The following AGTPBP1 variants were observed in gnomAD, a reference collection of about 807,000 sequenced individuals.
AGTPBP1 encodes the protein cytosolic carboxypeptidase 1.
Under a neutral mutation model 143.9 loss-of-function variants are expected in AGTPBP1, and 70 were observed. That is an observed-to-expected ratio of 0.49 (90% CI 0.40 to 0.59). The LOEUF is 0.59. Among genes scored for constraint, AGTPBP1 ranks in the 20% least tolerant of loss-of-function variants. The pLI, the probability that AGTPBP1 is intolerant of heterozygous loss-of-function variation, is 0.00. For missense variants in AGTPBP1, 1,229 were observed against 1,464.5 expected, an observed-to-expected ratio of 0.84 and a Z score of 2.62; for synonymous variants, 463 against 500.2, an observed-to-expected ratio of 0.93 and a Z score of 0.99.
At chr9:85,576,141 T>C (rs1827885534) in intron 24 of AGTPBP1, among the ~76,000 whole-genome samples, 1 of 152,144 alleles carries the variant, frequency 6.6e-6, no homozygotes, top group African/African-American at 2.4e-5. Context: ...TAATATAAGG[T>C]TTACCAAAAG....
the AGTPBP1 span, among the ~76,000 whole-genome samples, chr9:85,797,744 GT>G: frequency 1.3e-5 from 2 of 152,210 alleles, no homozygotes; most frequent in South Asian, 4.1e-4. Flanking sequence ...AAAAAAGTAT[GT>G]TTTAAGAAAG....
At chr9:85,742,220 C>G (rs534310667), upstream of AGTPBP1, among the ~76,000 whole-genome samples, 109 of 152,192 alleles carry the variant, frequency 7.2e-4, no homozygotes, top group African/African-American at 2.5e-3. Context: ...CGCGCGCTGC[C>G]GGTCCCTTGT....
the AGTPBP1 span, among the ~76,000 whole-genome samples, chr9:85,771,308 TTTA>T: frequency 6.6e-6 from 1 of 152,084 alleles, no homozygotes; most frequent in Admixed American, 6.6e-5. Context: ...AGATCCTATC[TTTA>T]CAAAAAATAC....
At chr9:85,627,258 GCACA>G (rs138235711) in intron 14 of AGTPBP1, among the ~76,000 whole-genome samples, 2 of 151,378 alleles carry the variant, frequency 1.3e-5, no homozygotes, top group Admixed American at 6.6e-5. Context: ...TTATGTGCGC[GCACA>G]CACACACACA....
the AGTPBP1 span, among the ~76,000 whole-genome samples, chr9:85,779,224 G>GATATAGATATCTATATAA: frequency 2.1e-5 from 2 of 93,512 alleles, no homozygotes; most frequent in Non-Finnish European, 4.4e-5. Context: ...TATAGATATA[G>GATATAGATATCTATATAA]ATATAGATAT....
intron 12 of AGTPBP1, among the ~76,000 whole-genome samples, chr9:85,645,834 T>C (rs1477984124): frequency 1.3e-5 from 2 of 152,172 alleles, no homozygotes; most frequent in African/African-American, 4.8e-5. Flanking sequence ...TCTTATGTAA[T>C]ATGACAATAA....
rs78637814 is a variant in AGTPBP1 at position 85,601,977 on chromosome 9, T to C, written c.2336-5528A>G. Among the ~76,000 whole-genome samples, 815 of 152,196 alleles carry C rather than the reference T, an allele frequency of 5.4e-3. 15 individuals are homozygous for C. Among genetic ancestry groups the C allele is most frequent in the African/African-American group, 0.019 (777 of 41,510 alleles). On this transcript the variant is annotated intron_variant, in intron 17 of 25. Coordinates refer to ENST00000357081, the MANE Select transcript of AGTPBP1 (RefSeq NM_001330701.2). Reference sequence around the variant, plus strand: ...ACAGTGCCCTATCCAGCCAGTATCATAGACTTGCCTTCAGAAAAAAGTCCT... The same window carrying C: ...ACAGTGCCCTATCCAGCCAGTATCACAGACTTGCCTTCAGAAAAAAGTCCT...
At chr9:85,654,843 A>C (rs1833396624) in intron 11 of AGTPBP1, among the ~76,000 whole-genome samples, 1 of 148,912 alleles carries the variant, frequency 6.7e-6, no homozygotes, top group South Asian at 2.1e-4. Context: ...ACTCTGTCTC[A>C]AAAAAAAAAA....
the AGTPBP1 span, among the ~76,000 whole-genome samples, chr9:85,758,210 T>A: frequency 6.6e-6 from 1 of 151,992 alleles, no homozygotes; most frequent in Non-Finnish European, 1.5e-5. Context: ...AAGGAAAAAA[T>A]AAACTCAGAG....
Position 85,682,172 on chromosome 9 carries a change from TAAAA to T in AGTPBP1, c.158-841_158-838del, listed in dbSNP as rs745339958. 2.0e-4 allele frequency among the ~76,000 whole-genome samples: 17 copies of T among 85,822 alleles called. 1 individual carries two copies. Among genetic ancestry groups the T allele is most frequent in the South Asian group, 4.4e-4 (1 of 2,272 alleles). The allele number at this position is 85,822 out of a possible 152,430, so 56.3% of individuals were successfully genotyped here. ...TCCTTTTCCTCTCATTAGGATTGGT[TAAAA>T]AAAAAAAAAAAAAAAAAAAAAGCAT... On this transcript the variant is annotated intron_variant, in intron 3 of 25. Coordinates refer to ENST00000357081, the MANE Select transcript of AGTPBP1 (RefSeq NM_001330701.2).
chr9:85,590,451 G>A (rs1828887775), intron 19 of AGTPBP1, among the ~76,000 whole-genome samples: 1 of 152,074 alleles, frequency 6.6e-6, no homozygotes, highest in Non-Finnish European at 1.5e-5. Context: ...GTCTTATTAT[G>A]TGGTTATACC....
At chr9:85,770,061 TTGTGTGTG>T in the AGTPBP1 span, among the ~76,000 whole-genome samples, 3 of 148,386 alleles carry the variant, frequency 2.0e-5, no homozygotes, top group Non-Finnish European at 3.0e-5. Flanking sequence ...TGTTAATCTG[TTGTGTGTG>T]TGTGTGTGTG....
At chr9:85,781,297 C>T in the AGTPBP1 span, 8 of 1,565,872 alleles carry the variant, frequency 5.1e-6, no homozygotes, top group Non-Finnish European at 6.9e-6. Context: ...GAAAACCAGC[C>T]GGGATCATAA....
chr9:85,652,185 C>T (rs1322908935), intron 11 of AGTPBP1, among the ~76,000 whole-genome samples: 1 of 152,080 alleles, frequency 6.6e-6, no homozygotes, highest in Non-Finnish European at 1.5e-5. Context: ...CATAATGGAA[C>T]CTCCATAAAA....
chr9:85,682,268 GAAGA>G (rs1285764288), intron 3 of AGTPBP1, among the ~76,000 whole-genome samples: 1 of 145,872 alleles, frequency 6.9e-6, no homozygotes, highest in Non-Finnish European at 1.5e-5. Flanking sequence ...ATTAGCAAAA[GAAGA>G]AAAGTACATC....
rs1304425838 is a variant in AGTPBP1, at chr9:85,660,983, C to A, written c.663-10G>T. The A allele has an allele frequency of 4.4e-6, 7 of 1,588,242 alleles. No individual in the cohort carries two copies. Among genetic ancestry groups the A allele is most frequent in the Non-Finnish European group, 6.0e-6 (7 of 1,170,426 alleles). ...AGTGTCTAAAGCAACCCTGTCAACACAACAAGAAAACACAAACAACAACAA... is the reference window on the plus strand; with the variant it reads ...AGTGTCTAAAGCAACCCTGTCAACAAAACAAGAAAACACAAACAACAACAA... On this transcript the variant is annotated splice_polypyrimidine_tract_variant and intron_variant, in intron 8 of 25. Transcript: ENST00000357081.
chr9:85,726,056 C>CAA (rs948203314), intron 1 of AGTPBP1, among the ~76,000 whole-genome samples: 25 of 40,794 alleles, frequency 6.1e-4, no homozygotes, highest in African/African-American at 1.1e-3. Context: ...GACTCCATCT[C>CAA]AAAAAAAAAA....
chr9:85,549,156 C>T (rs1825896207), intron 25 of AGTPBP1, among the ~76,000 whole-genome samples: 1 of 152,132 alleles, frequency 6.6e-6, no homozygotes, highest in African/African-American at 2.4e-5. Flanking sequence ...TCTTCTCTTG[C>T]CACATACTTA....
intron 4 of AGTPBP1, 105 bp downstream of exon 4, chr9:85,681,163 G>A (rs542872297): frequency 1.0e-5 from 10 of 973,718 alleles, no homozygotes; most frequent in East Asian, 5.0e-5. Flanking sequence ...ATATATGTAC[G>A]TGTGTATGTG....
Sources: allele counts gnomAD v4.1 joint callset (sites outside exome capture counted in the v4.1 genomes callset), GRCh38; gene constraint gnomAD v4.1.1; transcripts MANE v1.5; gene names NCBI Gene and HGNC (gene_info 2026-07-23, HGNC 2026-07-21).